The following OSR2 variants were observed in gnomAD, a reference collection of about 807,000 sequenced individuals.
OSR2 encodes the protein odd-skipped related transciption factor 2.
A neutral mutation model predicts 22.3 loss-of-function variants in OSR2; 8 were observed. The observed-to-expected ratio is 0.36, with a 90% confidence interval of 0.21 to 0.65. OSR2 has a LOEUF of 0.65. Ranked by LOEUF, OSR2 falls within the 30% of genes least tolerant of loss-of-function variation. The probability of loss-of-function intolerance (pLI) is 0.66; values close to 1 mark genes in which losing one functional copy is unlikely to be tolerated. For synonymous variants in OSR2, 179 were observed against 173.8 expected (o/e 1.03, Z -0.23); for missense variants, 311 against 413.4 (o/e 0.75, Z 2.15).
rs760593726 is a variant in OSR2, at chr8:98,949,087, G to T, written c.135G>T (p.Ala45=). The part of the protein sequence containing the change: ...DHLQGLYGLS[A]VQTMHMNHWT... ...TGCAGGGCCTGTACGGTCTCAGCGC[G>T]GTACAGACCATGCACATGAACCACT... Residue 45 remains alanine (A), a synonymous_variant, in exon 2 of 4, where the codon GCG becomes GCT. Coordinates refer to ENST00000297565, the MANE Select transcript of OSR2 (RefSeq NM_001142462.3). This position sits in a 1 kb window ranked among gnomAD's most constrained non-coding sequence, Gnocchi z 5.9. The T allele has an allele frequency of 6.2e-7, 1 of 1,613,808 alleles. No individual in the cohort carries two copies. Among genetic ancestry groups the T allele is most frequent in the African/African-American group, 1.3e-5 (1 of 74,952 alleles).
intron 1 of OSR2, among the ~76,000 whole-genome samples, chr8:98,945,611 G>A (rs1411420031): frequency 2.0e-5 from 3 of 152,166 alleles, no homozygotes; most frequent in African/African-American, 2.4e-5. Flanking sequence ...GGGAGCAAGG[G>A]GAGCACAGAG....
Position 98,948,800 on chromosome 8 carries a change from A to G in OSR2, c.-114-39A>G. 9 of 1,505,838 alleles carry G rather than the reference A, an allele frequency of 6.0e-6. No individual in the cohort carries two copies. The highest frequency in any genetic ancestry group is 1.4e-5 in the African/African-American group (1 of 72,382). 93.3% of individuals were successfully genotyped at this position (1,505,838 alleles called of 1,614,324 possible). Reference sequence around the variant, plus strand: ...AGGGCAGAAGGAGCAGCCTTGGATTATAGTCACGGTCTCTCCCTCTCTTCC... The same window carrying G: ...AGGGCAGAAGGAGCAGCCTTGGATTGTAGTCACGGTCTCTCCCTCTCTTCC... On this transcript the variant is annotated intron_variant, in intron 1 of 3. Transcript: ENST00000297565. This position sits in a 1 kb window ranked among gnomAD's most constrained non-coding sequence, Gnocchi z 6.0.
chr8:98,948,488 GTGGGCTGGGC>G lies in OSR2; in HGVS notation c.-114-331_-114-322del, dbSNP rs1193886532. 18 of 1,296,694 alleles carry G rather than the reference GTGGGCTGGGC, an allele frequency of 1.4e-5. No individual in the cohort carries two copies. The East Asian group carries it at 1.4e-4, about 10-fold the overall frequency. 80.3% of individuals were successfully genotyped at this position (1,296,694 alleles called of 1,614,324 possible). A position where few individuals can be genotyped will look rare whatever the true frequency, so the allele number is the denominator to read the frequency against. On this transcript the variant is annotated intron_variant, in intron 1 of 3. Transcript: ENST00000297565. This position sits in a 1 kb window ranked among gnomAD's most constrained non-coding sequence, Gnocchi z 6.0. ...GCTTCGCCTAACAGGCTTGGGGAGGGTGGGCTGGGCTGGGCTGGGCTGGGCTGGGTGCTGC... is the reference window on the plus strand; with the variant it reads ...GCTTCGCCTAACAGGCTTGGGGAGGGTGGGCTGGGCTGGGCTGGGTGCTGC...
Position 98,949,135 on chromosome 8 carries a change from G to T in OSR2, c.183G>T (p.Val61=). The T allele has an allele frequency of 1.2e-6, 2 of 1,613,416 alleles. No homozygotes were observed. Among genetic ancestry groups the T allele is most frequent in the Non-Finnish European group, 1.7e-6 (2 of 1,179,640 alleles). ...ACTGGACGCTGGGGTATCCCAATGT[G>T]CACGAGATCACCCGCTCCACCATCA... ...MNHWTLGYPN[V]HEITRSTITE... Residue 61 remains valine, a synonymous_variant, in exon 2 of 4, where the codon GTG becomes GTT. Coordinates refer to ENST00000297565, the MANE Select transcript of OSR2 (RefSeq NM_001142462.3). The surrounding 1 kb of genome is among the most constrained non-coding windows in gnomAD (Gnocchi z 5.9).
rs1477451801 is a variant in OSR2, at chr8:98,949,721, C to A, written c.656+113C>A. 1 of 1,253,262 alleles carries A rather than the reference C, an allele frequency of 8.0e-7. No individual in the cohort carries two copies. Among genetic ancestry groups the A allele is most frequent in the Admixed American group, 2.6e-5 (1 of 38,410 alleles). The allele number at this position is 1,253,262 out of a possible 1,614,324, so 77.6% of individuals were successfully genotyped here. Reference sequence around the variant, plus strand: ...ATAATCCCCTGTGATCTAAAATACACCCTCAGTCACGCTCCTCAGCCCGGT... The same window carrying A: ...ATAATCCCCTGTGATCTAAAATACAACCTCAGTCACGCTCCTCAGCCCGGT... On this transcript the variant is annotated intron_variant, in intron 2 of 3. Coordinates refer to ENST00000297565, the MANE Select transcript of OSR2 (RefSeq NM_001142462.3). The surrounding 1 kb of genome is among the most constrained non-coding windows in gnomAD (Gnocchi z 5.9).
In OSR2 at chr8:98,951,755, C is replaced by G. The variant is rs1328735674; in HGVS notation, c.*54C>G. The G allele has an allele frequency of 7.8e-6, 12 of 1,543,736 alleles. No individual in the cohort carries two copies. Among genetic ancestry groups the G allele is most frequent in the Non-Finnish European group, 1.1e-5 (12 of 1,142,676 alleles). ...GCTGCTCCCCTCCCCAGACACCTCT[C>G]CACGTCTCCTACCCAGGGGGTCGCA... On this transcript the variant is annotated 3_prime_UTR_variant, in exon 4 of 4. Coordinates refer to ENST00000297565, the MANE Select transcript of OSR2 (RefSeq NM_001142462.3).
chr8:98,945,090 T>C (rs1461945776), intron 1 of OSR2, among the ~76,000 whole-genome samples: 1 of 152,244 alleles, frequency 6.6e-6, no homozygotes, highest in Non-Finnish European at 1.5e-5. Flanking sequence ...GCAAGACTTC[T>C]TATAAAAGCT....
rs1840707955 is a variant in OSR2, at chr8:98,949,167, TGGC to T, written c.223_225del (p.Ala75del). On this transcript the variant is annotated inframe_deletion, in exon 2 of 4. Transcript: ENST00000297565. This position sits in a 1 kb window ranked among gnomAD's most constrained non-coding sequence, Gnocchi z 5.9. Reference sequence around the variant, plus strand: ...ATCACCCGCTCCACCATCACGGAGATGGCGGCGGCGCAGGGCCTCGTGGACGCG... The same window carrying T: ...ATCACCCGCTCCACCATCACGGAGATGGCGGCGCAGGGCCTCGTGGACGCG... 1 of 1,606,636 alleles carries T rather than the reference TGGC, an allele frequency of 6.2e-7. No individual in the cohort carries two copies. The highest frequency in any genetic ancestry group is 1.3e-5 in the African/African-American group (1 of 74,868).
chr8:98,947,707 G>A (rs1236878829), intron 1 of OSR2, among the ~76,000 whole-genome samples: 1 of 152,180 alleles, frequency 6.6e-6, no homozygotes, highest in African/African-American at 2.4e-5. Context: ...GGCCCAGGCC[G>A]GGCGTCCTGG....
intron 1 of OSR2, among the ~76,000 whole-genome samples, chr8:98,947,926 T>A (rs970437145): frequency 1.3e-5 from 2 of 152,202 alleles, no homozygotes; most frequent in African/African-American, 4.8e-5. Flanking sequence ...GGGTCGCTCC[T>A]CGGTGCCAGG....
Position 98,949,275 on chromosome 8 carries a change from C to A in OSR2, c.323C>A (p.Ala108Asp). 1.9e-6 allele frequency: 3 copies of A among 1,612,934 alleles called. No individual in the cohort carries two copies. Among genetic ancestry groups the A allele is most frequent in the Non-Finnish European group, 2.5e-6 (3 of 1,179,214 alleles). Reference protein sequence around the residue: ...KQGAIAHVLPALHKDRPRFDF... With the variant: ...KQGAIAHVLPDLHKDRPRFDF... ...GGGGCCATTGCCCACGTCCTCCCAG[C>A]CCTGCACAAGGACCGGCCCCGTTTT... Residue 108 changes from alanine (A) to aspartate (D), a missense_variant, in exon 2 of 4, where the codon GCC becomes GAC. Physicochemically the swap from Ala to Asp is moderately radical, Grantham distance 126. Coordinates refer to ENST00000297565, the MANE Select transcript of OSR2 (RefSeq NM_001142462.3). The surrounding 1 kb of genome is among the most constrained non-coding windows in gnomAD (Gnocchi z 5.9).
chr8:98,951,814 T>A lies in OSR2; in HGVS notation c.*113T>A. 1 of 1,083,342 alleles carries A rather than the reference T, an allele frequency of 9.2e-7. No individual in the cohort carries two copies. The highest frequency in any genetic ancestry group is 1.3e-6 in the Non-Finnish European group (1 of 774,648). 67.1% of individuals were successfully genotyped at this position (1,083,342 alleles called of 1,614,324 possible). On this transcript the variant is annotated 3_prime_UTR_variant, in exon 4 of 4. Transcript: ENST00000297565. ...CCTTCACTGACCCCAGCTCTTCCCT[T>A]GCTGCAGCCGCACCTGCAGCTCCAG...
chr8:98,945,788 C>A (rs1564122392), intron 1 of OSR2, among the ~76,000 whole-genome samples: 1 of 152,134 alleles, frequency 6.6e-6, no homozygotes, highest in South Asian at 2.1e-4. Context: ...TAATGATCTT[C>A]TTTGATCTAC....
In OSR2 at chr8:98,949,639, G is replaced by A. The variant is rs1205186282; in HGVS notation, c.656+31G>A. The A allele has an allele frequency of 6.3e-7, 1 of 1,585,438 alleles. No individual in the cohort carries two copies. The highest frequency in any genetic ancestry group is 8.6e-7 in the Non-Finnish European group (1 of 1,164,610). On this transcript the variant is annotated intron_variant, in intron 2 of 3. Coordinates refer to ENST00000297565, the MANE Select transcript of OSR2 (RefSeq NM_001142462.3). This position sits in a 1 kb window ranked among gnomAD's most constrained non-coding sequence, Gnocchi z 5.9. ...GCGGGCAAGGAGGATGGCTGGGAGA[G>A]GGAAAGCGAATTTGTCCTGGACACA...
In OSR2 at chr8:98,948,781, G is replaced by A; in HGVS notation, c.-114-58G>A. ...TAACCTGCGCAGGTGCCAAAGGGCA[G>A]AAGGAGCAGCCTTGGATTATAGTCA... On this transcript the variant is annotated intron_variant, in intron 1 of 3. Transcript: ENST00000297565. The surrounding 1 kb of genome is among the most constrained non-coding windows in gnomAD (Gnocchi z 6.0). The A allele has an allele frequency of 1.4e-6, 2 of 1,469,942 alleles. No homozygotes were observed. The highest frequency in any genetic ancestry group is 1.8e-6 in the Non-Finnish European group (2 of 1,109,798). 91.1% of individuals were successfully genotyped at this position (1,469,942 alleles called of 1,614,324 possible).
intron 1 of OSR2, among the ~76,000 whole-genome samples, chr8:98,945,558 C>A (rs1226246209): frequency 6.6e-6 from 1 of 152,202 alleles, no homozygotes; most frequent in Non-Finnish European, 1.5e-5. Context: ...CTCTGCTAAA[C>A]AAACTGCAGT....
chr8:98,950,387 G>C (rs368654842), intron 2 of OSR2, among the ~76,000 whole-genome samples: 1 of 152,182 alleles, frequency 6.6e-6, no homozygotes, highest in Non-Finnish European at 1.5e-5. Context: ...TGGAGGCCAA[G>C]AAAGGCCCGT....
Position 98,949,735 on chromosome 8 carries a change from C to G in OSR2, c.656+127C>G. ...TCTAAAATACACCCTCAGTCACGCT[C>G]CTCAGCCCGGTTCAGCTAATTCCCA... On this transcript the variant is annotated intron_variant, in intron 2 of 3. Transcript: ENST00000297565. The surrounding 1 kb of genome is among the most constrained non-coding windows in gnomAD (Gnocchi z 5.9). The G allele has an allele frequency of 3.5e-6, 4 of 1,152,962 alleles. No homozygotes were observed. The South Asian group carries it at 6.4e-5, about 18-fold the overall frequency. 71.4% of individuals were successfully genotyped at this position (1,152,962 alleles called of 1,614,324 possible).
rs1212518489 is a variant in OSR2, at chr8:98,949,519, C to T, written c.567C>T (p.Ile189=). 2 of 1,614,154 alleles carry T rather than the reference C, an allele frequency of 1.2e-6. No homozygotes were observed. The highest frequency in any genetic ancestry group is 1.7e-6 in the Non-Finnish European group (2 of 1,179,986). The part of the protein sequence containing the change: ...RHFTKSYNLL[I]HERTHTDERP... ...TTACCAAATCCTACAATTTGCTCAT[C>T]CATGAGAGGACCCACACGGACGAGA... The change falls in exon 2 of 4, where the codon ATC becomes ATT. Residue 189 remains isoleucine (I), a synonymous_variant. Coordinates refer to ENST00000297565, the MANE Select transcript of OSR2 (RefSeq NM_001142462.3). The surrounding 1 kb of genome is among the most constrained non-coding windows in gnomAD (Gnocchi z 5.9).
Sources: gnomAD v4.1 joint callset for allele counts (sites outside exome capture counted in the v4.1 genomes callset) on GRCh38, gnomAD v4.1.1 for gene constraint, Gnocchi (gnomAD v3.1) non-coding constraint, MANE v1.5 for transcripts, NCBI Gene and HGNC (gene_info 2026-07-23, HGNC 2026-07-21) for gene names.